The following STK32A variants were observed in gnomAD, a reference collection of about 807,000 sequenced individuals.
STK32A encodes the protein serine/threonine-protein kinase 32A.
Under a neutral mutation model 53.2 loss-of-function variants are expected in STK32A, and 41 were observed. That is an observed-to-expected ratio of 0.77 (90% CI 0.60 to 1.00). The LOEUF (loss-of-function observed/expected upper bound fraction) is 1.00. Among genes scored for constraint, STK32A ranks in the 50% least tolerant of loss-of-function variants. The probability of loss-of-function intolerance (pLI) is 0.00; values close to 1 mark genes in which losing one functional copy is unlikely to be tolerated. For missense variants in STK32A, 458 were observed against 485.8 expected, an observed-to-expected ratio of 0.94 and a Z score of 0.54; for synonymous variants, 166 against 162.8, an observed-to-expected ratio of 1.02 and a Z score of -0.15.
chr5:147,242,332 G>A (rs1753617418), intron 2 of STK32A, among the ~76,000 whole-genome samples: 1 of 152,218 alleles, frequency 6.6e-6, no homozygotes, highest in Non-Finnish European at 1.5e-5. Flanking sequence ...TAGACATGAA[G>A]AATAGAGGAG....
intron 8 of STK32A, among the ~76,000 whole-genome samples, chr5:147,366,005 A>G (rs965642046): frequency 6.6e-6 from 1 of 152,024 alleles, no homozygotes; most frequent in Non-Finnish European, 1.5e-5. Context: ...TTGTTAAGAA[A>G]AAGAAACTAC....
chr5:147,305,635 T>A (rs1215731098), intron 4 of STK32A, among the ~76,000 whole-genome samples: 1 of 151,650 alleles, frequency 6.6e-6, no homozygotes. Flanking sequence ...ATTTAATGAG[T>A]GATTTTATTT....
At chr5:147,317,315 T>TTTTC (rs1317247992) in intron 4 of STK32A, among the ~76,000 whole-genome samples, 1 of 126,588 alleles carries the variant, frequency 7.9e-6, no homozygotes, top group South Asian at 2.5e-4. Flanking sequence ...CTTTTTTTCT[T>TTTTC]TTTCTTTCTT....
chr5:147,241,409 G>A (rs1428625010), intron 2 of STK32A, among the ~76,000 whole-genome samples: 1 of 152,156 alleles, frequency 6.6e-6, no homozygotes, highest in Non-Finnish European at 1.5e-5. Flanking sequence ...AACCCGGGAG[G>A]CGGAGCTTGC....
At chr5:147,306,849 G>T (rs1325378102) in intron 4 of STK32A, among the ~76,000 whole-genome samples, 1 of 152,116 alleles carries the variant, frequency 6.6e-6, no homozygotes, top group Non-Finnish European at 1.5e-5. Context: ...TATCAGTAGG[G>T]AAAGTGTCTA....
At chr5:147,360,014 T>C (rs1222068058) in intron 7 of STK32A, among the ~76,000 whole-genome samples, 1 of 152,178 alleles carries the variant, frequency 6.6e-6, no homozygotes, top group East Asian at 1.9e-4. Flanking sequence ...GGATCAACCA[T>C]ACAAATCTTT....
At chr5:147,260,954 G>T (rs911961442) in intron 2 of STK32A, among the ~76,000 whole-genome samples, 3 of 152,314 alleles carry the variant, frequency 2.0e-5, no homozygotes, top group Non-Finnish European at 4.4e-5. Flanking sequence ...CGGCTGCCGC[G>T]GCTTCTCCTT....
chr5:147,309,105 T>C (rs189071626), intron 4 of STK32A, among the ~76,000 whole-genome samples: 1 of 152,186 alleles, frequency 6.6e-6, no homozygotes, highest in East Asian at 1.9e-4. Flanking sequence ...GCGGGGATGA[T>C]TGCCAAGTCA....
intron 4 of STK32A, among the ~76,000 whole-genome samples, chr5:147,297,312 T>C (rs1467272581): frequency 6.6e-6 from 1 of 152,156 alleles, no homozygotes; most frequent in Non-Finnish European, 1.5e-5. Flanking sequence ...GCCCCACAGA[T>C]AGAGACAGGA....
In STK32A at chr5:147,238,217, A is replaced by G. The variant is rs570482409; in HGVS notation, c.-96-1322A>G. On this transcript the variant is annotated intron_variant, in intron 1 of 12. Coordinates refer to ENST00000397936, the MANE Select transcript of STK32A (RefSeq NM_001112724.2). The stretch of plus-strand genomic sequence containing the variant: ...GGGATAGATCTGAAGATCTGGGCTC[A>G]TGTTTCCATGTGGTGACAATCTGTT... Among the ~76,000 whole-genome samples, 49 of 152,366 alleles carry G rather than the reference A, an allele frequency of 3.2e-4. 1 individual carries two copies. In the South Asian group the frequency reaches 9.9e-3, roughly 31 times the overall value.
At chr5:147,375,022 A>G (rs1230433444) in intron 10 of STK32A, 68 bp from the exon 11 acceptor site, 12 of 1,443,250 alleles carry the variant, frequency 8.3e-6, no homozygotes, top group South Asian at 1.4e-5. Flanking sequence ...TATTTTCCGT[A>G]TTAGGTCTGC....
intron 4 of STK32A, among the ~76,000 whole-genome samples, chr5:147,287,025 C>T (rs779115032): frequency 2.7e-4 from 41 of 152,092 alleles, no homozygotes; most frequent in African/African-American, 6.0e-4. Flanking sequence ...TGCTTTGTAG[C>T]GTATTTCTTA....
At chr5:147,283,915 C>G (rs1245817672) in intron 4 of STK32A, among the ~76,000 whole-genome samples, 1 of 151,900 alleles carries the variant, frequency 6.6e-6, no homozygotes, top group Non-Finnish European at 1.5e-5. Flanking sequence ...CTCCCTAATT[C>G]ATCCTATGAA....
At chr5:147,390,494 A>C (rs1757770387), downstream of STK32A, among the ~76,000 whole-genome samples, 11 of 150,710 alleles carry the variant, frequency 7.3e-5, no homozygotes, top group South Asian at 8.4e-4. Flanking sequence ...AAAAAAAAAA[A>C]CCCAAAACAA....
At chr5:147,395,633 C>A in the STK32A span, 1 of 1,614,112 alleles carries the variant, frequency 6.2e-7, no homozygotes, top group South Asian at 1.1e-5. Context: ...CCGAGCAGAG[C>A]CTGCGGGGGT....
downstream of STK32A, among the ~76,000 whole-genome samples, chr5:147,390,287 C>T (rs1485854243): frequency 6.6e-6 from 1 of 152,152 alleles, no homozygotes; most frequent in Middle Eastern, 3.4e-3. Flanking sequence ...CCGATATGTA[C>T]CTGAAAGCTC....
chr5:147,310,370 A>G (rs1311640598), intron 4 of STK32A, among the ~76,000 whole-genome samples: 1 of 152,208 alleles, frequency 6.6e-6, no homozygotes, highest in Non-Finnish European at 1.5e-5. Context: ...AATTCTGAAC[A>G]TGGTGTAGCT....
At chr5:147,274,058 T>A (rs1198439805) in intron 2 of STK32A, among the ~76,000 whole-genome samples, 2 of 152,216 alleles carry the variant, frequency 1.3e-5, no homozygotes, top group Admixed American at 1.3e-4. Flanking sequence ...AAATAAGTAC[T>A]TTTAGATATT....
chr5:147,370,762 C>G lies in STK32A; in HGVS notation c.769C>G (p.Leu257Val), dbSNP rs1369485464. 6 of 1,606,584 alleles carry G rather than the reference C, an allele frequency of 3.7e-6. 1 individual carries two copies. In the Admixed American group the frequency reaches 1.0e-4, roughly 27 times the overall value. Residue 257 changes from leucine to valine, a missense_variant, in exon 9 of 13, where the codon CTT becomes GTT. By Grantham distance (32) the Leu-to-Val change is conservative. Coordinates refer to ENST00000397936, the MANE Select transcript of STK32A (RefSeq NM_001112724.2). The stretch of plus-strand genomic sequence containing the variant: ...CTGGTCACAGGAAATGGTGTCACTT[C>G]TTAAAAAGGTAAGAAGGAAGACTGC... Reference protein sequence around the residue: ...SAWSQEMVSLLKKLLEPNPDQ... With the variant: ...SAWSQEMVSLVKKLLEPNPDQ...
Sources: allele counts gnomAD v4.1 joint callset (sites outside exome capture counted in the v4.1 genomes callset), GRCh38; gene constraint gnomAD v4.1.1; transcripts MANE v1.5; gene names NCBI Gene and HGNC (gene_info 2026-07-23, HGNC 2026-07-21).